CGGBP1: variants seen among roughly 807,000 people sequenced by gnomAD.
CGGBP1 encodes CGG triplet repeat-binding protein 1.
In CGGBP1, 4 loss-of-function variants were observed where a neutral mutation model predicts 11.4. The observed-to-expected ratio is 0.35, with a 90% CI of 0.17 to 0.80. The LOEUF is 0.80. CGGBP1 is among the 30% of genes least tolerant of loss of function. The probability of loss-of-function intolerance (pLI) is 0.52; values close to 1 mark genes in which losing one functional copy is unlikely to be tolerated. For missense variants in CGGBP1, 135 were observed against 202.1 expected, an observed-to-expected ratio of 0.67 and a Z score of 2.01; for synonymous variants, 76 against 74.1, an observed-to-expected ratio of 1.03 and a Z score of -0.13.
At chr3:88,062,072 C>G (rs974264630), upstream of CGGBP1, among the ~76,000 whole-genome samples, 1 of 152,132 alleles carries the variant, frequency 6.6e-6, no homozygotes, top group African/African-American at 2.4e-5. Flanking sequence ...ACAGAAGATA[C>G]AGTGTTAATA....
Position 88,071,861 on chromosome 3 carries a change from C to A in CGGBP1, c.-228-13638G>T, listed in dbSNP as rs1707533985. The stretch of plus-strand genomic sequence containing the variant: ...ACTTCACTTTTGAAGCCATTTTGTA[C>A]TGTACTTTTAAGACTTTTTATCTTC... On this transcript the variant is annotated intron_variant, in intron 2 of 3. Coordinates refer to the CGGBP1 transcript ENST00000462901. Among the ~76,000 whole-genome samples, 3 of 152,154 alleles carry A rather than the reference C, an allele frequency of 2.0e-5. No homozygotes were observed. In the South Asian group the frequency reaches 6.2e-4, roughly 31 times the overall value.
intron 2 of CGGBP1, among the ~76,000 whole-genome samples, chr3:88,071,454 C>G (rs1220167478): frequency 6.6e-6 from 1 of 152,132 alleles, no homozygotes; most frequent in Non-Finnish European, 1.5e-5. Context: ...ACCGTCCTGG[C>G]TAACACGGTG....
chr3:88,054,174 A>G lies in CGGBP1; in HGVS notation c.*1299T>C, dbSNP rs1225953593. 6.6e-6 allele frequency: 1 copy of G among 152,600 alleles called. No individual in the cohort carries two copies. Among genetic ancestry groups the G allele is most frequent in the African/African-American group, 2.4e-5 (1 of 41,462 alleles). The allele number at this position is 152,600 out of a possible 1,614,324, so 9.5% of individuals were successfully genotyped here. On this transcript the variant is annotated 3_prime_UTR_variant, in exon 4 of 4. Transcript: ENST00000482016. ...TGCTTTGTAATAGAAATATATAAGT[A>G]TTTTTAACTTGAATTTCAAAGAATT...
At position 88,065,863 on chromosome 3, in the gene CGGBP1, A is replaced by AG. The variant is rs533554722; in HGVS notation, c.-228-7641dup. Among the ~76,000 whole-genome samples, 3 of 152,256 alleles carry AG rather than the reference A, an allele frequency of 2.0e-5. No individual in the cohort carries two copies. In the South Asian group the frequency reaches 6.2e-4, roughly 32 times the overall value. On this transcript the variant is annotated intron_variant, in intron 2 of 3. Coordinates refer to the CGGBP1 transcript ENST00000462901. ...GCACCCATCAGCCCCCACCCCCAGT[A>AG]GCTGGGACTTCAGGTGTGCACCACC...
At chr3:88,061,609 A>G (rs1706887787), upstream of CGGBP1, among the ~76,000 whole-genome samples, 2 of 152,100 alleles carry the variant, frequency 1.3e-5, 1 homozygote, top group South Asian at 4.1e-4. Flanking sequence ...TTTTATATTA[A>G]AGCTTTTAGA....
chr3:88,082,188 G>A (rs1559697274), intron 2 of CGGBP1, among the ~76,000 whole-genome samples: 1 of 150,972 alleles, frequency 6.6e-6, no homozygotes, highest in Non-Finnish European at 1.5e-5. Flanking sequence ...GTGCAGTGGT[G>A]CAATCTTGGC....
chr3:88,093,191 G>T (rs1178277428), intron 2 of CGGBP1, among the ~76,000 whole-genome samples: 4 of 152,228 alleles, frequency 2.6e-5, no homozygotes, highest in Admixed American at 6.5e-5. Context: ...GTTCTTACTG[G>T]TTTTTTCCTT....
chr3:88,132,112 T>G (rs1177112353), intron 2 of CGGBP1, among the ~76,000 whole-genome samples: 1 of 152,138 alleles, frequency 6.6e-6, no homozygotes, highest in African/African-American at 2.4e-5. Flanking sequence ...AATAATACTG[T>G]GTTCAAGCCA....
intron 2 of CGGBP1, among the ~76,000 whole-genome samples, chr3:88,089,738 A>G (rs1028399453): frequency 5.9e-5 from 9 of 152,160 alleles, no homozygotes; most frequent in East Asian, 1.9e-4. Flanking sequence ...ACAGATCCCA[A>G]AAATATCTTG....
chr3:88,095,414 C>G, intron 2 of CGGBP1: 1 of 339,928 alleles, frequency 2.9e-6, no homozygotes, highest in South Asian at 2.5e-5. Flanking sequence ...CCTTTTAGCC[C>G]TTTGCTGTTT....
chr3:88,146,872 A>C (rs761155970), intron 1 of CGGBP1, among the ~76,000 whole-genome samples: 7 of 152,266 alleles, frequency 4.6e-5, no homozygotes, highest in Admixed American at 2.0e-4. Flanking sequence ...TAGTTGCCCA[A>C]ACCAAAACCT....
chr3:88,107,081 T>C (rs1337829843), intron 2 of CGGBP1, among the ~76,000 whole-genome samples: 1 of 152,214 alleles, frequency 6.6e-6, no homozygotes, highest in African/African-American at 2.4e-5. Flanking sequence ...AATTTTGTAA[T>C]GAAATTGTCT....
At chr3:88,059,974 T>A (rs1706764062), upstream of CGGBP1, among the ~76,000 whole-genome samples, 1 of 152,014 alleles carries the variant, frequency 6.6e-6, no homozygotes, top group African/African-American at 2.4e-5. Flanking sequence ...TTCCTGTCAC[T>A]GCCACTGTTC....
intron 2 of CGGBP1, among the ~76,000 whole-genome samples, chr3:88,112,782 C>A (rs1160391059): frequency 6.6e-6 from 1 of 151,982 alleles, no homozygotes; most frequent in East Asian, 1.9e-4. Flanking sequence ...ACTTTGGGTT[C>A]ATTTTAGATG....
At chr3:88,066,606 A>C (rs1707216382) in intron 2 of CGGBP1, among the ~76,000 whole-genome samples, 1 of 152,112 alleles carries the variant, frequency 6.6e-6, no homozygotes, top group African/African-American at 2.4e-5. Context: ...CCTCAATTTT[A>C]ATTTTGTAGA....
At chr3:88,115,497 AGC>A (rs1479424742) in intron 2 of CGGBP1, among the ~76,000 whole-genome samples, 1 of 152,196 alleles carries the variant, frequency 6.6e-6, no homozygotes, top group African/African-American at 2.4e-5. Flanking sequence ...TAGGCAGTAG[AGC>A]CTGTCTGGTG....
chr3:88,138,673 A>T, intron 2 of CGGBP1: 1 of 1,205,852 alleles, frequency 8.3e-7, no homozygotes. Flanking sequence ...TTGGAAAAAA[A>T]GTATTTAGCA....
chr3:88,073,100 T>G (rs1205278890), intron 2 of CGGBP1, among the ~76,000 whole-genome samples: 2 of 152,154 alleles, frequency 1.3e-5, no homozygotes, highest in Non-Finnish European at 2.9e-5. Flanking sequence ...GTTAATTGAT[T>G]AGAAATATGG....
chr3:88,131,079 T>C (rs1463094215), intron 2 of CGGBP1, among the ~76,000 whole-genome samples: 1 of 152,142 alleles, frequency 6.6e-6, no homozygotes, highest in African/African-American at 2.4e-5. Context: ...CAAACCTAGA[T>C]GGTATATCCT....
Sources: gnomAD v4.1 joint callset for allele counts (sites outside exome capture counted in the v4.1 genomes callset) on GRCh38, gnomAD v4.1.1 for gene constraint, MANE v1.5 for transcripts, NCBI Gene and HGNC (gene_info 2026-07-23, HGNC 2026-07-21) for gene names.